EXD3: variants seen among roughly 807,000 people sequenced by gnomAD.
EXD3 encodes the protein exonuclease 3'-5' domain containing 3.
Under a neutral mutation model 98.0 loss-of-function variants are expected in EXD3, and 92 were observed. The observed-to-expected ratio is 0.94, with a 90% CI of 0.79 to 1.12. The LOEUF (loss-of-function observed/expected upper bound fraction) is 1.12, where lower values mean the gene tolerates loss of function less well. Among genes scored for constraint, EXD3 ranks in the 50% most tolerant of loss-of-function variants. EXD3 has a pLI of 0.00. For missense variants in EXD3, 1,222 were observed against 1,191.6 expected (o/e 1.03, Z -0.38); for synonymous variants, 569 against 526.0 (o/e 1.08, Z -1.12).
At position 137,407,416 on chromosome 9, in the gene EXD3, GC is replaced by G. The variant is rs1303456029; in HGVS notation, c.-47-12013del. ...GGTCCTGGCCCCCAAGGGGCCATCT[GC>G]CCCCGGCTCACCGCAGGCCCTTTCC... On this transcript the variant is annotated intron_variant, in intron 1 of 21. Coordinates refer to ENST00000340951, the MANE Select transcript of EXD3 (RefSeq NM_017820.5). The surrounding 1 kb of genome is among the most constrained non-coding windows in gnomAD (Gnocchi z 4.4). Among the ~76,000 whole-genome samples, 1 of 152,194 alleles carries G rather than the reference GC, an allele frequency of 6.6e-6. No individual in the cohort carries two copies. The highest frequency in any genetic ancestry group is 1.5e-5 in the Non-Finnish European group (1 of 68,028).
At chr9:137,418,361 CAACA>C (rs953816004) in intron 1 of EXD3, among the ~76,000 whole-genome samples, 11 of 152,130 alleles carry the variant, frequency 7.2e-5, no homozygotes, top group Non-Finnish European at 1.0e-4. Flanking sequence ...AAAAAACAAA[CAACA>C]AACAAACAAA....
intron 2 of EXD3, among the ~76,000 whole-genome samples, chr9:137,389,085 C>G (rs1836760845): frequency 6.6e-6 from 1 of 152,192 alleles, no homozygotes; most frequent in Non-Finnish European, 1.5e-5. Context: ...CTCCTGGTGG[C>G]CTTCTGGCGT....
Position 137,349,388 on chromosome 9 carries a change from C to T in EXD3, c.1638G>A (p.Glu546=), listed in dbSNP as rs781558394. 2.5e-6 allele frequency: 4 copies of T among 1,591,716 alleles called. No homozygotes were observed. The highest frequency in any genetic ancestry group is 1.1e-5 in the South Asian group (1 of 88,408). Residue 546 remains glutamate (E), a synonymous_variant, in exon 15 of 22, where the codon GAG becomes GAA. Coordinates refer to ENST00000340951, the MANE Select transcript of EXD3 (RefSeq NM_017820.5). The surrounding 1 kb of genome is among the most constrained non-coding windows in gnomAD (Gnocchi z 7.4). ...GCACACCTGCGTAGATGACCTGCTC[C>T]TCGCAGAGCGGCCTCCGGTCCCAGT... is the stretch of plus-strand genomic sequence containing the variant. ...LSNWDRRPLC[E]EQVIYAAADA... is the part of the protein sequence containing the mutation.
chr9:137,318,395 T>A (rs1396410368), intron 19 of EXD3, among the ~76,000 whole-genome samples: 1 of 151,998 alleles, frequency 6.6e-6, no homozygotes, highest in East Asian at 1.9e-4. Context: ...CACAGCCTCC[T>A]GGGATGCCCA....
At chr9:137,419,620 G>T (rs1838407124) in intron 1 of EXD3, among the ~76,000 whole-genome samples, 1 of 152,092 alleles carries the variant, frequency 6.6e-6, no homozygotes, top group Non-Finnish European at 1.5e-5. Context: ...AGTGAGCCAA[G>T]ATCGCACCAC....
At chr9:137,373,337 C>G in intron 4 of EXD3, 89 bp downstream of exon 4, 1 of 1,470,734 alleles carries the variant, frequency 6.8e-7, no homozygotes, top group South Asian at 1.2e-5. Flanking sequence ...GAGCGGGCTG[C>G]AAAGGCCTGG....
chr9:137,362,416 T>A (rs1353248046), intron 7 of EXD3, among the ~76,000 whole-genome samples: 1 of 152,216 alleles, frequency 6.6e-6, no homozygotes, highest in Non-Finnish European at 1.5e-5. Context: ...AACCATGTGT[T>A]CATCTCAATA....
At chr9:137,341,094 T>C (rs1314078435) in intron 17 of EXD3, among the ~76,000 whole-genome samples, 1 of 151,772 alleles carries the variant, frequency 6.6e-6, no homozygotes, top group Non-Finnish European at 1.5e-5. Context: ...AGCAGGAGGG[T>C]CGCTCGAGGC....
At chr9:137,361,777 C>T (rs1835007384) in intron 7 of EXD3, among the ~76,000 whole-genome samples, 2 of 148,818 alleles carry the variant, frequency 1.3e-5, no homozygotes, top group Admixed American at 1.3e-4. Context: ...ACCAGGCATG[C>T]AGAGAAGAGG....
chr9:137,393,886 G>A lies in EXD3; in HGVS notation c.55+1417C>T, dbSNP rs1837072432. Among the ~76,000 whole-genome samples, 1 of 152,160 alleles carries A rather than the reference G, an allele frequency of 6.6e-6. No individual in the cohort carries two copies. Among genetic ancestry groups the A allele is most frequent in the African/African-American group, 2.4e-5 (1 of 41,418 alleles). The stretch of plus-strand genomic sequence containing the variant: ...CCCAGGGCGAGGCGGCTGGGCCAGG[G>A]CCTTACAGCTCTCACTGCTGTTTAC... On this transcript the variant is annotated intron_variant, in intron 2 of 21. Coordinates refer to ENST00000340951, the MANE Select transcript of EXD3 (RefSeq NM_017820.5). The surrounding 1 kb of genome is among the most constrained non-coding windows in gnomAD (Gnocchi z 4.6).
In EXD3 at chr9:137,349,591, T is replaced by C. The variant is rs974331642; in HGVS notation, c.1495-60A>G. 7 of 1,466,288 alleles carry C rather than the reference T, an allele frequency of 4.8e-6. No homozygotes were observed. The highest frequency in any genetic ancestry group is 6.3e-6 in the Non-Finnish European group (7 of 1,110,582). The allele number at this position is 1,466,288 out of a possible 1,614,324, so 90.8% of individuals were successfully genotyped here. A position where few individuals can be genotyped will look rare whatever the true frequency, so the allele number is the denominator to read the frequency against. On this transcript the variant is annotated intron_variant, in intron 14 of 21. Transcript: ENST00000340951. This position sits in a 1 kb window ranked among gnomAD's most constrained non-coding sequence, Gnocchi z 7.4. ...GGCCCTGGCGGCAGCACAGTCACCG[T>C]GCCCACTCACACCAGCCCTGCGGGG...
intron 1 of EXD3, among the ~76,000 whole-genome samples, chr9:137,416,523 G>T (rs931593390): frequency 2.6e-5 from 4 of 151,618 alleles, no homozygotes; most frequent in African/African-American, 9.7e-5. Flanking sequence ...GCAGGCGCCC[G>T]GAACCTCGCT....
Position 137,359,401 on chromosome 9 carries a change from G to A in EXD3, c.657-3033C>T, listed in dbSNP as rs1388488006. Reference sequence around the variant, plus strand: ...ACATAGAACGTTCCAGGCCAGGTGCGGTGGCTCACGCCTGTAATCCCATCA... The same window carrying A: ...ACATAGAACGTTCCAGGCCAGGTGCAGTGGCTCACGCCTGTAATCCCATCA... On this transcript the variant is annotated intron_variant, in intron 7 of 21. Coordinates refer to ENST00000340951, the MANE Select transcript of EXD3 (RefSeq NM_017820.5). Among the ~76,000 whole-genome samples, 8 of 83,484 alleles carry A rather than the reference G, an allele frequency of 9.6e-5. 3 individuals carry two copies. Among genetic ancestry groups the A allele is most frequent in the Admixed American group, 4.2e-4 (3 of 7,066 alleles). The allele number at this position is 83,484 out of a possible 152,430, so 54.8% of individuals were successfully genotyped here.
At chr9:137,370,604 GA>G (rs71387830) in intron 5 of EXD3, among the ~76,000 whole-genome samples, 3,693 of 129,870 alleles carry the variant, frequency 0.028, 156 homozygotes, top group African/African-American at 0.092. Context: ...CTGCTTTCAG[GA>G]AAAAAAAAAA....
At chr9:137,409,009 C>A (rs1262649063) in intron 1 of EXD3, among the ~76,000 whole-genome samples, 1 of 152,238 alleles carries the variant, frequency 6.6e-6, no homozygotes, top group Non-Finnish European at 1.5e-5. Flanking sequence ...GGGAGGGCGG[C>A]TGCTATAATT....
intron 3 of EXD3, among the ~76,000 whole-genome samples, chr9:137,376,081 A>G (rs1835884105): frequency 6.6e-6 from 1 of 152,170 alleles, no homozygotes; most frequent in African/African-American, 2.4e-5. Flanking sequence ...ACGGTGGCTC[A>G]TGCCTGTAAT....
rs183845335 is a variant in EXD3, at chr9:137,374,374, G to A, written c.121-775C>T. 2.8e-3 allele frequency among the ~76,000 whole-genome samples: 426 copies of A among 152,358 alleles called. 1 individual carries two copies. Among genetic ancestry groups the A allele is most frequent in the Non-Finnish European group, 5.1e-3 (347 of 68,030 alleles). On this transcript the variant is annotated intron_variant, in intron 3 of 21. Coordinates refer to ENST00000340951, the MANE Select transcript of EXD3 (RefSeq NM_017820.5). ...GTTCCCAGCTGCTGGCTCCAGCCAC[G>A]GGATGCGCCCCCAGAGGCCCAGGGA...
rs867583744 is a variant in EXD3, at chr9:137,354,467, G to T, written c.832-90C>A. ...GGAGTTTTCCTCGACCCCTGGCAGG[G>T]TACATCCTTGGCAGAGCCCAGGTGC... On this transcript the variant is annotated intron_variant, in intron 9 of 21. Transcript: ENST00000340951. 3.3e-5 allele frequency: 52 copies of T among 1,584,526 alleles called. No individual in the cohort carries two copies. In the African/African-American group the frequency reaches 3.8e-4, roughly 11 times the overall value.
rs1834434268 is a variant in EXD3, at chr9:137,353,643, C to T, written c.870+696G>A. On this transcript the variant is annotated intron_variant, in intron 10 of 21. Coordinates refer to ENST00000340951, the MANE Select transcript of EXD3 (RefSeq NM_017820.5). Reference sequence around the variant, plus strand: ...CCCAGCCCAGGAGCAGAGGCACCTACAGGCCTGCGGGACCCTCAGCCCCCG... The same window carrying T: ...CCCAGCCCAGGAGCAGAGGCACCTATAGGCCTGCGGGACCCTCAGCCCCCG... The T allele has an allele frequency of 6.1e-6, 6 of 985,974 alleles. No homozygotes were observed. In the South Asian group the frequency reaches 2.3e-4, roughly 39 times the overall value. The allele number at this position is 985,974 out of a possible 1,614,324, so 61.1% of individuals were successfully genotyped here.
Sources: gnomAD v4.1 joint callset for allele counts (sites outside exome capture counted in the v4.1 genomes callset) on GRCh38, gnomAD v4.1.1 for gene constraint, Gnocchi (gnomAD v3.1) non-coding constraint, MANE v1.5 for transcripts, NCBI Gene and HGNC (gene_info 2026-07-23, HGNC 2026-07-21) for gene names.